Variants in LMTK3 observed in about 807,000 individuals in gnomAD.
LMTK3 encodes serine/threonine-protein kinase LMTK3.
LMTK3 carries 27 observed loss-of-function variants against 116.7 expected under a neutral mutation model. The ratio of observed to expected loss-of-function variants is 0.23; its 90% CI spans 0.17 to 0.32. LMTK3 has a LOEUF of 0.32. Among genes scored for constraint, LMTK3 ranks in the 10% least tolerant of loss-of-function variants. The probability of loss-of-function intolerance (pLI) is 1.00; values close to 1 mark genes in which losing one functional copy is unlikely to be tolerated. For synonymous variants in LMTK3, 965 were observed against 971.0 expected, an observed-to-expected ratio of 0.99 and a Z score of 0.11; for missense variants, 1,764 against 2,068.5, an observed-to-expected ratio of 0.85 and a Z score of 2.86.
chr19:48,513,302 A>C, upstream of LMTK3: 1 of 780,676 alleles, frequency 1.3e-6, no homozygotes, highest in Non-Finnish European at 2.2e-6. The surrounding 1 kb of genome is among the most constrained non-coding windows in gnomAD (Gnocchi z 5.6). Context: ...CTCAATCCTC[A>C]CAACCGCCCT....
At chr19:48,492,345 C>G (rs1445089199) in intron 12 of LMTK3, among the ~76,000 whole-genome samples, 1 of 152,196 alleles carries the variant, frequency 6.6e-6, no homozygotes, top group African/African-American at 2.4e-5. Context: ...CGCACCACCA[C>G]ACCAAGATAA....
chr19:48,499,485 G>A lies in LMTK3; in HGVS notation c.1584C>T (p.Ser528=), dbSNP rs368793027. 4 of 1,473,250 alleles carry A rather than the reference G, an allele frequency of 2.7e-6. No individual in the cohort carries two copies. Among genetic ancestry groups the A allele is most frequent in the South Asian group, 1.4e-5 (1 of 72,884 alleles). The allele number at this position is 1,473,250 out of a possible 1,614,324, so 91.3% of individuals were successfully genotyped here. ...CGCTGCTCACGGAGGGGCTGCGGGCGCTGATGACAGGCAGCACGCTGGGCG... is the reference window on the plus strand; with the variant it reads ...CGCTGCTCACGGAGGGGCTGCGGGCACTGATGACAGGCAGCACGCTGGGCG... The part of the protein sequence containing the change: ...LSTPSVLPVI[S]ARSPSVSSEY... Residue 528 remains serine, a synonymous_variant, in exon 11 of 15, where the codon AGC becomes AGT. Coordinates refer to ENST00000600059, the MANE Select transcript of LMTK3 (RefSeq NM_001388485.1).
chr19:48,509,250 T>TGACA (rs1247922266), intron 4 of LMTK3, among the ~76,000 whole-genome samples, 187 bp downstream of exon 4: 1 of 143,002 alleles, frequency 7.0e-6, no homozygotes, highest in Non-Finnish European at 1.5e-5. Context: ...AGGCGCTGAC[T>TGACA]GACAGATGTC....
At chr19:48,496,331 C>T (rs1411829315) in intron 11 of LMTK3, among the ~76,000 whole-genome samples, 3 of 148,966 alleles carry the variant, frequency 2.0e-5, no homozygotes, top group African/African-American at 7.5e-5. Context: ...CAGAGTCTCG[C>T]TTTATCGCCC....
chr19:48,492,251 T>G (rs923064111), intron 12 of LMTK3, among the ~76,000 whole-genome samples: 2 of 152,196 alleles, frequency 1.3e-5, no homozygotes, highest in African/African-American at 4.8e-5. Flanking sequence ...AGCAGTGTTG[T>G]GATCATGGCT....
chr19:48,509,662 C>T, intron 3 of LMTK3, 149 bp from the exon 4 acceptor site: 1 of 716,214 alleles, frequency 1.4e-6, no homozygotes, highest in South Asian at 1.9e-5. Flanking sequence ...ATCTCAGCTT[C>T]CTCATTGGCT....
In LMTK3 at chr19:48,499,433, C is replaced by T. The variant is rs62130275; in HGVS notation, c.1636G>A (p.Gly546Ser). 2 of 1,463,628 alleles carry T rather than the reference C, an allele frequency of 1.4e-6. No homozygotes were observed. The highest frequency in any genetic ancestry group is 1.8e-6 in the Non-Finnish European group (2 of 1,107,548). 90.7% of individuals were successfully genotyped at this position (1,463,628 alleles called of 1,614,324 possible). A position where few individuals can be genotyped will look rare whatever the true frequency, so the allele number is the denominator to read the frequency against. The change falls in exon 11 of 15, where the codon GGC becomes AGC. Residue 546 changes from glycine to serine, a missense_variant. This residue lies in a region of LMTK3 where 1,028 missense variants were observed against 1,050.6 expected (regional missense o/e 0.98). Coordinates refer to ENST00000600059, the MANE Select transcript of LMTK3 (RefSeq NM_001388485.1). ...GGGAAGAGGGGCTCAGGAGGGGAGC[C>T]GTGCTCCTCCAAGCGGATGTAGTAC... ...SEYYIRLEEH[G>S]SPPEPLFPND...
intron 14 of LMTK3, among the ~76,000 whole-genome samples, chr19:48,488,269 G>A (rs1259732765): frequency 1.3e-5 from 2 of 152,066 alleles, no homozygotes; most frequent in Non-Finnish European, 2.9e-5. Context: ...TGAAGCCTGA[G>A]GATGCAGCCA....
Position 48,493,614 on chromosome 19 carries a change from C to G in LMTK3, c.4092+80G>C, listed in dbSNP as rs1039476830. ...CCCCGCCCAACTCTAAGCTCGGCCT[C>G]CCGCCAGGCCCTTCCCGGCTCTAGG... On this transcript the variant is annotated intron_variant, in intron 12 of 14. Coordinates refer to ENST00000600059, the MANE Select transcript of LMTK3 (RefSeq NM_001388485.1). The G allele has an allele frequency of 4.2e-6, 6 of 1,445,228 alleles. No individual in the cohort carries two copies. The African/African-American group carries it at 8.9e-5, about 22-fold the overall frequency. The allele number at this position is 1,445,228 out of a possible 1,614,324, so 89.5% of individuals were successfully genotyped here.
chr19:48,499,156 A>G lies in LMTK3; in HGVS notation c.1913T>C (p.Val638Ala), dbSNP rs770869452. 19 of 1,518,026 alleles carry G rather than the reference A, an allele frequency of 1.3e-5. No homozygotes were observed. Among genetic ancestry groups the G allele is most frequent in the South Asian group, 3.7e-5 (3 of 80,206 alleles). The allele number at this position is 1,518,026 out of a possible 1,614,324, so 94.0% of individuals were successfully genotyped here. ...CTCCTCCTCCTCCTCTTCTTCTTCC[A>G]CCCACGGGGCGGTCCCCCGCTCCCC... ...VLGERGTAPW[V>A]EEEEEEEEGS... The change falls in exon 11 of 15, where the codon GTG becomes GCG. Residue 638 changes from valine (V) to alanine (A), a missense_variant. Around this residue, in one of 7 missense-constraint regions of LMTK3, gnomAD observed 1,028 missense variants for 1,050.6 expected, o/e 0.98. Coordinates refer to ENST00000600059, the MANE Select transcript of LMTK3 (RefSeq NM_001388485.1).
At chr19:48,506,693 C>T (rs764040778) in intron 5 of LMTK3, among the ~76,000 whole-genome samples, 12 of 152,146 alleles carry the variant, frequency 7.9e-5, no homozygotes, top group Non-Finnish European at 1.3e-4. Context: ...TTGTTGTTTT[C>T]TCACGCTGTC....
rs376789854 is a variant in LMTK3 at position 48,510,451 on chromosome 19, C to A, written c.210+8G>T. On this transcript the variant is annotated splice_region_variant and intron_variant, in intron 2 of 14. Transcript: ENST00000600059. Reference sequence around the variant, plus strand: ...CCTCCCCAAGTTGAATCCCCTCATGCACCTCACCTTGAAGCCGACATCGCC... The same window carrying A: ...CCTCCCCAAGTTGAATCCCCTCATGAACCTCACCTTGAAGCCGACATCGCC... The A allele has an allele frequency of 1.7e-5, 27 of 1,592,508 alleles. No homozygotes were observed. The African/African-American group carries it at 3.5e-4, about 21-fold the overall frequency.
intron 2 of LMTK3, 92 bp downstream of exon 2, chr19:48,510,367 A>C (rs1419151285): frequency 2.7e-6 from 4 of 1,492,346 alleles, no homozygotes; most frequent in East Asian, 4.9e-5. Context: ...TCTCGGATTT[A>C]CTGCCCCCTT....
At position 48,497,546 on chromosome 19, in the gene LMTK3, C is replaced by T. The variant is rs1601046821; in HGVS notation, c.3523G>A (p.Glu1175Lys). The T allele has an allele frequency of 3.6e-6, 5 of 1,377,366 alleles. No homozygotes were observed. Among genetic ancestry groups the T allele is most frequent in the South Asian group, 1.8e-5 (1 of 54,116 alleles). The allele number at this position is 1,377,366 out of a possible 1,614,324, so 85.3% of individuals were successfully genotyped here. ...CTGTCTGGGGCCCCGGGCTCTCCCT[C>T]GGGGGCCACCTCCGGCCTGGCTCTC... The part of the protein sequence containing the change: ...PPRARPEVAP[E>K]GEPGAPDSRA... The change falls in exon 11 of 15, where the codon GAG becomes AAG. Residue 1175 changes from glutamate to lysine, a missense_variant. Coordinates refer to ENST00000600059, the MANE Select transcript of LMTK3 (RefSeq NM_001388485.1). This position sits in a 1 kb window ranked among gnomAD's most constrained non-coding sequence, Gnocchi z 5.7.
intron 14 of LMTK3, among the ~76,000 whole-genome samples, chr19:48,489,730 C>T (rs1183075158): frequency 6.6e-6 from 1 of 152,178 alleles, no homozygotes; most frequent in East Asian, 1.9e-4. Flanking sequence ...GATGAGGGAA[C>T]TGAAGCACAG....
At chr19:48,493,093 A>G (rs2147533337) in intron 12 of LMTK3, among the ~76,000 whole-genome samples, 1 of 131,726 alleles carries the variant, frequency 7.6e-6, no homozygotes, top group Non-Finnish European at 1.6e-5. Flanking sequence ...CCAGCCTTGG[A>G]TTTTCTCCAG....
Position 48,511,623 on chromosome 19 carries a change from A to AGG in LMTK3, c.-49_-48dup. On this transcript the variant is annotated 5_prime_UTR_variant, in exon 1 of 15. Coordinates refer to ENST00000600059, the MANE Select transcript of LMTK3 (RefSeq NM_001388485.1). ...GTGGAGGTGGTGGCGGCTGGGGAGGAGGGGGGGGCGGGCCCTCAGCCCCCA... is the reference window on the plus strand; with the variant it reads ...GTGGAGGTGGTGGCGGCTGGGGAGGAGGGGGGGGGGCGGGCCCTCAGCCCCCA... 1.9e-5 allele frequency: 2 copies of AGG among 107,526 alleles called. No homozygotes were observed. The highest frequency in any genetic ancestry group is 3.7e-4 in the South Asian group (1 of 2,702). The allele number at this position is 107,526 out of a possible 1,614,324, so 6.7% of individuals were successfully genotyped here.
chr19:48,497,196 C>T lies in LMTK3; in HGVS notation c.3676+197G>A, dbSNP rs143878134. On this transcript the variant is annotated intron_variant, in intron 11 of 14. Transcript: ENST00000600059. The surrounding 1 kb of genome is among the most constrained non-coding windows in gnomAD (Gnocchi z 5.7). ...TTTGGCAGATGGGTAAACTGAGGCACCGTGCAGCAAGGACATTTGCCCAAG... is the reference window on the plus strand; with the variant it reads ...TTTGGCAGATGGGTAAACTGAGGCATCGTGCAGCAAGGACATTTGCCCAAG... Among the ~76,000 whole-genome samples the T allele has an allele frequency of 4.7e-3, 714 of 152,316 alleles. 5 individuals are homozygous for T. Among genetic ancestry groups the T allele is most frequent in the Middle Eastern group, 0.017 (5 of 294 alleles).
rs955865856 is a variant in LMTK3, at chr19:48,498,510, G to A, written c.2559C>T (p.Phe853=). ...GCTGTTCCGTGCTCACTTGAACCAC[G>A]AAGGTCGGCTTCTCCCGGGGCCCCG... ...PLPGPREKPT[F]VVQVSTEQLL... is the part of the protein sequence containing the mutation. The change falls in exon 11 of 15, where the codon TTC becomes TTT. Residue 853 remains phenylalanine (F), a synonymous_variant. Coordinates refer to ENST00000600059, the MANE Select transcript of LMTK3 (RefSeq NM_001388485.1). The A allele has an allele frequency of 8.8e-6, 14 of 1,588,088 alleles. No individual in the cohort carries two copies. Among genetic ancestry groups the A allele is most frequent in the South Asian group, 1.1e-5 (1 of 88,102 alleles).
Sources: allele counts gnomAD v4.1 joint callset (sites outside exome capture counted in the v4.1 genomes callset), GRCh38; gene constraint gnomAD v4.1.1; regional missense constraint gnomAD v4.1.1; non-coding constraint Gnocchi (gnomAD v3.1); transcripts MANE v1.5; gene names NCBI Gene and HGNC (gene_info 2026-07-23, HGNC 2026-07-21).